GABRA1: variants seen among roughly 807,000 people sequenced by gnomAD.
GABRA1 encodes gamma-aminobutyric acid type A receptor subunit alpha1, also known as gamma-aminobutyric acid receptor subunit alpha-1.
GABRA1 carries 9 observed loss-of-function variants against 48.9 expected under a neutral mutation model. The ratio of observed to expected loss-of-function variants is 0.18; its 90% CI spans 0.11 to 0.32. GABRA1 has a LOEUF of 0.32. Ranked by LOEUF, GABRA1 falls within the 10% of genes least tolerant of loss-of-function variation. The pLI is 1.00. For missense variants in GABRA1, 285 were observed against 553.8 expected (o/e 0.51, Z 4.87); for synonymous variants, 210 against 198.7 (o/e 1.06, Z -0.48).
chr5:161,873,028 G>A, intron 4 of GABRA1, 89 bp from the exon 5 acceptor site: 1 of 981,230 alleles, frequency 1.0e-6, no homozygotes, highest in Non-Finnish European at 1.6e-6. Context: ...TACTTCCAAA[G>A]TTGCAAAAAT....
At chr5:161,895,305 G>A (rs1021552181) in intron 8 of GABRA1, among the ~76,000 whole-genome samples, 6 of 152,142 alleles carry the variant, frequency 3.9e-5, no homozygotes, top group Non-Finnish European at 8.8e-5. Flanking sequence ...TCACAGGCAA[G>A]TGAAGATCTG....
chr5:161,866,557 C>T (rs1257473521), intron 4 of GABRA1, among the ~76,000 whole-genome samples: 2 of 152,074 alleles, frequency 1.3e-5, no homozygotes, highest in African/African-American at 4.8e-5. Context: ...CTCATGTTAG[C>T]ACCAGCTTAC....
In GABRA1 at chr5:161,848,178, T is replaced by C. The variant is rs960154706; in HGVS notation, c.-260T>C. The C allele has an allele frequency of 6.6e-6, 1 of 152,148 alleles. No individual in the cohort carries two copies. The highest frequency in any genetic ancestry group is 1.5e-5 in the Non-Finnish European group (1 of 68,054). The allele number at this position is 152,148 out of a possible 1,614,324, so 9.4% of individuals were successfully genotyped here. On this transcript the variant is annotated 5_prime_UTR_variant, in exon 1 of 10. Transcript: ENST00000393943. ...ACTACTGTCTTGGTAAAGAGAAATC[T>C]TTTGTTGTATAGCTGCAGATTGGAT...
chr5:161,891,837 T>C (rs1185977211), intron 8 of GABRA1, among the ~76,000 whole-genome samples: 1 of 152,198 alleles, frequency 6.6e-6, no homozygotes, highest in African/African-American at 2.4e-5. Flanking sequence ...CCACTCTCGT[T>C]ATGAAAATTG....
At chr5:161,893,624 T>G (rs1037526085) in intron 8 of GABRA1, among the ~76,000 whole-genome samples, 4 of 152,174 alleles carry the variant, frequency 2.6e-5, no homozygotes. Flanking sequence ...TATTCTTGGT[T>G]TTCCATGCTG....
chr5:161,891,732 C>T (rs1474710260), intron 8 of GABRA1, among the ~76,000 whole-genome samples: 1 of 152,120 alleles, frequency 6.6e-6, no homozygotes, highest in Non-Finnish European at 1.5e-5. Context: ...TCCCCGTATA[C>T]TATTTCAACT....
intron 7 of GABRA1, among the ~76,000 whole-genome samples, chr5:161,884,329 C>A (rs764478948): frequency 2.1e-4 from 32 of 152,192 alleles, no homozygotes; most frequent in Admixed American, 5.9e-4. Flanking sequence ...GATAGACAAG[C>A]TCAGATTTTG....
chr5:161,852,629 T>C (rs773572773), intron 2 of GABRA1, among the ~76,000 whole-genome samples: 1 of 151,920 alleles, frequency 6.6e-6, no homozygotes, highest in Non-Finnish European at 1.5e-5. Context: ...ACTTAGCTTG[T>C]TGAAAATTTG....
intron 6 of GABRA1, among the ~76,000 whole-genome samples, chr5:161,877,773 AT>A (rs1292850466): frequency 6.6e-6 from 1 of 152,208 alleles, no homozygotes; most frequent in Non-Finnish European, 1.5e-5. Flanking sequence ...ATATAAGAAA[AT>A]TGAAGCTAAA....
At chr5:161,895,991 A>C (rs1203492015) in intron 9 of GABRA1, 123 bp downstream of exon 9, 1 of 850,582 alleles carries the variant, frequency 1.2e-6, no homozygotes, top group Non-Finnish European at 1.9e-6. Context: ...TTTTTTTCTT[A>C]TGTCGTAAAC....
At chr5:161,852,115 T>TA (rs1361842243) in intron 2 of GABRA1, among the ~76,000 whole-genome samples, 4 of 152,010 alleles carry the variant, frequency 2.6e-5, no homozygotes, top group African/African-American at 4.8e-5. Context: ...GAAATGTCAT[T>TA]AAAAAATCAC....
chr5:161,874,827 A>G (rs555745620), intron 5 of GABRA1, among the ~76,000 whole-genome samples: 1 of 152,246 alleles, frequency 6.6e-6, no homozygotes, highest in African/African-American at 2.4e-5. Context: ...CAATTTCCTT[A>G]TAATTCTACA....
At position 161,882,777 on chromosome 5, in the gene GABRA1, A is replaced by T. The variant is rs1754673089; in HGVS notation, c.703+76A>T. Reference sequence around the variant, plus strand: ...TTTGTGAGAACTCAATGAATCATTCAGTAACACAAGTCTAGGAGAGAGAAC... The same window carrying T: ...TTTGTGAGAACTCAATGAATCATTCTGTAACACAAGTCTAGGAGAGAGAAC... On this transcript the variant is annotated intron_variant, in intron 7 of 9. Coordinates refer to ENST00000393943, the MANE Select transcript of GABRA1 (RefSeq NM_001127644.2). 5.8e-6 allele frequency: 8 copies of T among 1,371,364 alleles called. 1 individual carries two copies. In the South Asian group the frequency reaches 9.5e-5, roughly 16 times the overall value. The allele number at this position is 1,371,364 out of a possible 1,614,324, so 84.9% of individuals were successfully genotyped here.
chr5:161,884,804 A>C (rs1754772480), intron 7 of GABRA1, among the ~76,000 whole-genome samples: 1 of 152,184 alleles, frequency 6.6e-6, no homozygotes, highest in South Asian at 2.1e-4. Context: ...TCCTGCTCTA[A>C]TTTTAGCTTT....
chr5:161,887,073 C>T (rs769621783), intron 7 of GABRA1, among the ~76,000 whole-genome samples: 3 of 152,098 alleles, frequency 2.0e-5, no homozygotes, highest in Admixed American at 6.5e-5. Flanking sequence ...AATGTAATGC[C>T]ATGCAATGTT....
intron 8 of GABRA1, 34 bp from the exon 9 acceptor site, chr5:161,895,632 C>G: frequency 6.4e-7 from 1 of 1,562,186 alleles, no homozygotes; most frequent in Non-Finnish European, 8.8e-7. Flanking sequence ...ACAGTATGAA[C>G]TGGCATCATG....
At position 161,881,555 on chromosome 5, in the gene GABRA1, C is replaced by T. The variant is rs575714466; in HGVS notation, c.560-1003C>T. Reference sequence around the variant, plus strand: ...GGAAAATATCTATAAGAAGGATAATCAGTAGAAAAGAGGAGAGTAAACTCA... The same window carrying T: ...GGAAAATATCTATAAGAAGGATAATTAGTAGAAAAGAGGAGAGTAAACTCA... On this transcript the variant is annotated intron_variant, in intron 6 of 9. Coordinates refer to ENST00000393943, the MANE Select transcript of GABRA1 (RefSeq NM_001127644.2). Among the ~76,000 whole-genome samples, 78 of 152,234 alleles carry T rather than the reference C, an allele frequency of 5.1e-4. No individual in the cohort carries two copies. In the Middle Eastern group the frequency reaches 0.01, roughly 20 times the overall value.
At chr5:161,884,597 C>G (rs1754757527) in intron 7 of GABRA1, among the ~76,000 whole-genome samples, 2 of 152,028 alleles carry the variant, frequency 1.3e-5, no homozygotes, top group Non-Finnish European at 2.9e-5. Flanking sequence ...TTTTGTTAGT[C>G]TGAATATATT....
At chr5:161,854,591 G>A (rs980330292) in intron 3 of GABRA1, among the ~76,000 whole-genome samples, 3 of 151,656 alleles carry the variant, frequency 2.0e-5, no homozygotes, top group African/African-American at 7.2e-5. Flanking sequence ...CACAATGACT[G>A]CAGCTATCTC....
Sources: allele counts gnomAD v4.1 joint callset (sites outside exome capture counted in the v4.1 genomes callset), GRCh38; gene constraint gnomAD v4.1.1; transcripts MANE v1.5; gene names NCBI Gene and HGNC (gene_info 2026-07-23, HGNC 2026-07-21).